The following SVEP1 variants were observed in gnomAD, a reference collection of about 807,000 sequenced individuals.
SVEP1 encodes the protein sushi, von Willebrand factor type A, EGF and pentraxin domain-containing protein 1.
A neutral mutation model predicts 367.3 loss-of-function variants in SVEP1; 164 were observed. That is an observed-to-expected ratio of 0.45 (90% CI 0.39 to 0.51). The LOEUF is 0.51. Ranked by LOEUF, SVEP1 falls within the 20% of genes least tolerant of loss-of-function variation. The pLI, the probability that SVEP1 is intolerant of heterozygous loss-of-function variation, is 0.00. For synonymous variants in SVEP1, 1,666 were observed against 1,611.6 expected (o/e 1.03, Z -0.81); for missense variants, 4,117 against 4,425.3 (o/e 0.93, Z 1.98).
chr9:110,546,354 G>T (rs949515930), intron 2 of SVEP1, 63 bp from the exon 3 acceptor site: 28 of 1,496,254 alleles, frequency 1.9e-5, no homozygotes, highest in African/African-American at 2.8e-5. Flanking sequence ...ACATTCTCTG[G>T]TCATTAAAAT....
At chr9:110,414,133 G>A (rs1357429499) in intron 36 of SVEP1, among the ~76,000 whole-genome samples, 1 of 152,008 alleles carries the variant, frequency 6.6e-6, no homozygotes, top group Non-Finnish European at 1.5e-5. Flanking sequence ...TGGGCAAACT[G>A]TATTGCAGTG....
intron 22 of SVEP1, among the ~76,000 whole-genome samples, chr9:110,454,596 G>A (rs910166508): frequency 2.6e-5 from 4 of 152,158 alleles, no homozygotes; most frequent in Non-Finnish European, 4.4e-5. Context: ...AGAAAATGTG[G>A]TACTTATACA....
intron 3 of SVEP1, among the ~76,000 whole-genome samples, chr9:110,528,177 T>TATATAC (rs1554721452): frequency 9.5e-5 from 13 of 136,408 alleles, no homozygotes; most frequent in African/African-American, 3.6e-4. Flanking sequence ...TATATATATA[T>TATATAC]ATATATATAT....
At chr9:110,380,301 C>A (rs374094275) in intron 43 of SVEP1, among the ~76,000 whole-genome samples, 2 of 152,038 alleles carry the variant, frequency 1.3e-5, no homozygotes, top group Non-Finnish European at 2.9e-5. Context: ...AATCAGAATC[C>A]AGTTTGTTCA....
At chr9:110,566,888 C>A (rs1291498453) in intron 1 of SVEP1, among the ~76,000 whole-genome samples, 1 of 152,182 alleles carries the variant, frequency 6.6e-6, no homozygotes, top group Non-Finnish European at 1.5e-5. Flanking sequence ...CCTCTTTGAT[C>A]ACAATTTGTG....
At position 110,497,012 on chromosome 9, in the gene SVEP1, G is replaced by A. The variant is rs1172365433; in HGVS notation, c.1682-79C>T. 3 of 914,288 alleles carry A rather than the reference G, an allele frequency of 3.3e-6. No homozygotes were observed. The African/African-American group carries it at 5.0e-5, about 15-fold the overall frequency. 56.6% of individuals were successfully genotyped at this position (914,288 alleles called of 1,614,324 possible). On this transcript the variant is annotated intron_variant, in intron 7 of 47. Transcript: ENST00000374469. ...CATTTAAGGAAGAGGTACAAATCTA[G>A]TTATATTAATACACTGTGACACATT...
intron 1 of SVEP1, among the ~76,000 whole-genome samples, chr9:110,562,361 A>T (rs1830442914): frequency 6.6e-6 from 1 of 152,186 alleles, no homozygotes; most frequent in Non-Finnish European, 1.5e-5. Context: ...TATTGTTATG[A>T]GTAACTCTAT....
intron 40 of SVEP1, among the ~76,000 whole-genome samples, chr9:110,392,375 G>C (rs1447565825): frequency 6.6e-6 from 1 of 151,976 alleles, no homozygotes; most frequent in African/African-American, 2.4e-5. Flanking sequence ...GACACTGTTT[G>C]TTGGATTTAG....
At chr9:110,387,081 C>T (rs963160525) in intron 42 of SVEP1, among the ~76,000 whole-genome samples, 2 of 152,142 alleles carry the variant, frequency 1.3e-5, no homozygotes, top group African/African-American at 4.8e-5. Flanking sequence ...CTCATGGAAT[C>T]TGACAAAAGC....
At chr9:110,377,242 C>T in intron 45 of SVEP1, 29 bp downstream of exon 45, 2 of 1,604,614 alleles carry the variant, frequency 1.2e-6, no homozygotes, top group Non-Finnish European at 1.7e-6. Flanking sequence ...TTTGTCAGGA[C>T]TCAAAGTAAG....
chr9:110,390,127 TTATATAAG>T (rs1331329856), intron 40 of SVEP1, among the ~76,000 whole-genome samples: 14 of 110,674 alleles, frequency 1.3e-4, no homozygotes, highest in African/African-American at 3.8e-4. Flanking sequence ...ACATACATAC[TTATATAAG>T]TATATATACA....
intron 45 of SVEP1, among the ~76,000 whole-genome samples, chr9:110,375,906 CATAGGGTTGGAGTT>C (rs1827344347): frequency 6.7e-6 from 1 of 148,728 alleles, no homozygotes; most frequent in Admixed American, 6.6e-5. Context: ...TAGGCTGTAA[CATAGGGTTGGAGTT>C]TGCAACATTT....
chr9:110,451,181 C>G (rs149253928), intron 23 of SVEP1, 108 bp downstream of exon 23: 84 of 832,608 alleles, frequency 1.0e-4, no homozygotes, highest in African/African-American at 7.1e-4. Context: ...AATCACCATA[C>G]AGTAATAAAA....
At chr9:110,390,702 G>A (rs907927974) in intron 40 of SVEP1, among the ~76,000 whole-genome samples, 1 of 151,758 alleles carries the variant, frequency 6.6e-6, no homozygotes, top group African/African-American at 2.4e-5. Flanking sequence ...CTGCACACAC[G>A]AATCACCAAG....
intron 36 of SVEP1, among the ~76,000 whole-genome samples, chr9:110,425,445 G>A (rs189277063): frequency 4.5e-4 from 68 of 152,256 alleles, no homozygotes; most frequent in African/African-American, 1.6e-3. Flanking sequence ...GACAGAAAAA[G>A]TTTCCACAGA....
At chr9:110,377,636 T>TATAG (rs1443799550) in intron 44 of SVEP1, among the ~76,000 whole-genome samples, 1 of 152,238 alleles carries the variant, frequency 6.6e-6, no homozygotes, top group East Asian at 1.9e-4. Flanking sequence ...TTGATTTATG[T>TATAG]ATAGATTGTG....
At chr9:110,533,038 C>T (rs1449417277) in intron 3 of SVEP1, among the ~76,000 whole-genome samples, 1 of 152,104 alleles carries the variant, frequency 6.6e-6, no homozygotes, top group Non-Finnish European at 1.5e-5. Flanking sequence ...AAACTAGATG[C>T]CTCACATGTG....
intron 14 of SVEP1, among the ~76,000 whole-genome samples, chr9:110,474,110 C>G (rs1455499346): frequency 6.6e-6 from 1 of 152,164 alleles, no homozygotes; most frequent in Non-Finnish European, 1.5e-5. Flanking sequence ...AAGTGACTCT[C>G]CTGCCTCAGC....
intron 36 of SVEP1, 142 bp downstream of exon 36, chr9:110,427,449 G>A: frequency 1.1e-6 from 1 of 950,132 alleles, no homozygotes; most frequent in East Asian, 2.5e-5. Flanking sequence ...CGTCTCTGCA[G>A]GTAGGAAATA....
Sources: gnomAD v4.1 joint callset for allele counts (sites outside exome capture counted in the v4.1 genomes callset) on GRCh38, gnomAD v4.1.1 for gene constraint, MANE v1.5 for transcripts, NCBI Gene and HGNC (gene_info 2026-07-23, HGNC 2026-07-21) for gene names.